CHST9: variants seen among roughly 807,000 people sequenced by gnomAD.
CHST9 encodes carbohydrate sulfotransferase 9, also known as GalNAc-4-sulfotransferase 2.
Under a neutral mutation model 44.4 loss-of-function variants are expected in CHST9, and 41 were observed. That is an observed-to-expected ratio of 0.92 (90% CI 0.72 to 1.20). CHST9 has a LOEUF of 1.20. Ranked by LOEUF, CHST9 falls within the 50% of genes most tolerant of loss-of-function variation. The pLI is 0.00. For missense variants in CHST9, 504 were observed against 516.5 expected (o/e 0.98, Z 0.23); for synonymous variants, 171 against 178.4 (o/e 0.96, Z 0.33).
At chr18:26,950,383 A>C (rs2145128955) in intron 4 of CHST9, among the ~76,000 whole-genome samples, 1 of 152,356 alleles carries the variant, frequency 6.6e-6, no homozygotes, top group Admixed American at 6.5e-5. Flanking sequence ...AAGACATAGA[A>C]AAGCAAACTT....
intron 2 of CHST9, among the ~76,000 whole-genome samples, chr18:27,075,902 C>T (rs2057898672): frequency 6.6e-6 from 1 of 152,168 alleles, no homozygotes; most frequent in African/African-American, 2.4e-5. Context: ...ACTCTAGGAG[C>T]TCAAAACATT....
intron 4 of CHST9, among the ~76,000 whole-genome samples, chr18:26,949,533 C>A (rs1464788204): frequency 1.3e-5 from 2 of 150,964 alleles, no homozygotes; most frequent in African/African-American, 2.4e-5. Context: ...AACAAACAAA[C>A]AAAAAGATAC....
At chr18:26,949,155 T>C (rs1393201590) in intron 4 of CHST9, among the ~76,000 whole-genome samples, 1 of 152,086 alleles carries the variant, frequency 6.6e-6, no homozygotes, top group Non-Finnish European at 1.5e-5. Flanking sequence ...GCAATGAGCA[T>C]GTGCTGTGTC....
intron 2 of CHST9, among the ~76,000 whole-genome samples, chr18:27,119,290 C>G (rs2058354816): frequency 6.6e-6 from 1 of 152,120 alleles, no homozygotes; most frequent in Non-Finnish European, 1.5e-5. Context: ...CTTTTGTTTT[C>G]TACATCACTC....
chr18:26,939,795 C>A (rs184734712), intron 5 of CHST9, among the ~76,000 whole-genome samples: 1 of 152,250 alleles, frequency 6.6e-6, no homozygotes, highest in East Asian at 1.9e-4. Flanking sequence ...CTGCATCTGC[C>A]CCCATCAAGG....
intron 5 of CHST9, chr18:26,936,652 G>C (rs1358337929): frequency 1.3e-5 from 2 of 152,052 alleles, no homozygotes; most frequent in Non-Finnish European, 2.9e-5. Context: ...TAACCATTTT[G>C]CTAATAAAAT....
chr18:26,917,367 G>T lies in CHST9; in HGVS notation c.241-17C>A. ...CTTGGGGTTCTGTTAAAATAAAGAAGGAGAAATGTTGAAAGCACAGTCACG... is the reference window on the plus strand; with the variant it reads ...CTTGGGGTTCTGTTAAAATAAAGAATGAGAAATGTTGAAAGCACAGTCACG... On this transcript the variant is annotated splice_polypyrimidine_tract_variant and intron_variant, in intron 5 of 5. Coordinates refer to ENST00000618847, the MANE Select transcript of CHST9 (RefSeq NM_031422.6). 2 of 1,601,160 alleles carry T rather than the reference G, an allele frequency of 1.2e-6. No homozygotes were observed. The highest frequency in any genetic ancestry group is 2.2e-5 in the South Asian group (2 of 89,192).
intron 4 of CHST9, among the ~76,000 whole-genome samples, chr18:26,973,069 A>G (rs2056572085): frequency 6.6e-6 from 1 of 151,796 alleles, no homozygotes; most frequent in East Asian, 1.9e-4. Flanking sequence ...CTCCTTTTTC[A>G]TGTCTTAGCT....
intron 5 of CHST9, among the ~76,000 whole-genome samples, chr18:26,921,743 TG>T (rs1289280705): frequency 6.6e-6 from 1 of 152,214 alleles, no homozygotes; most frequent in African/African-American, 2.4e-5. Flanking sequence ...CCATTTTCCT[TG>T]GGACACTTTA....
At chr18:26,995,602 T>C (rs576232469) in intron 4 of CHST9, among the ~76,000 whole-genome samples, 20 of 152,332 alleles carry the variant, frequency 1.3e-4, no homozygotes, top group Admixed American at 1.3e-3. Context: ...CAGCAGTTGA[T>C]AACTAATACA....
At chr18:27,057,756 C>A (rs1307654244) in intron 2 of CHST9, among the ~76,000 whole-genome samples, 1 of 152,248 alleles carries the variant, frequency 6.6e-6, no homozygotes. Context: ...GCCCTGGGGT[C>A]TGCCATCCGG....
chr18:26,941,638 A>G (rs2056083743), intron 5 of CHST9, among the ~76,000 whole-genome samples: 1 of 149,984 alleles, frequency 6.7e-6, no homozygotes, highest in African/African-American at 2.5e-5. Context: ...GAGACAGCTG[A>G]AAAAAAAAAT....
rs547033752 is a variant in CHST9, at chr18:27,163,515, G to A, written c.-96-20610C>T. Reference sequence around the variant, plus strand: ...TACCTACTCAAGCCTCCGCAATGGCGGGCGCCCCTCTCCCAGCCTCACTGC... The same window carrying A: ...TACCTACTCAAGCCTCCGCAATGGCAGGCGCCCCTCTCCCAGCCTCACTGC... On this transcript the variant is annotated intron_variant, in intron 1 of 5. Transcript: ENST00000618847. Among the ~76,000 whole-genome samples, 62 of 152,282 alleles carry A rather than the reference G, an allele frequency of 4.1e-4. 1 individual carries two copies. In the South Asian group the frequency reaches 0.012, roughly 30 times the overall value.
intron 4 of CHST9, among the ~76,000 whole-genome samples, chr18:26,953,919 C>G (rs1253446915): frequency 6.6e-6 from 1 of 152,124 alleles, no homozygotes; most frequent in African/African-American, 2.4e-5. Context: ...TTGAAGGTGC[C>G]ACATGTGAAG....
chr18:27,182,829 C>T (rs1052508774), intron 1 of CHST9, among the ~76,000 whole-genome samples: 1 of 152,116 alleles, frequency 6.6e-6, no homozygotes, highest in Non-Finnish European at 1.5e-5. Context: ...TATCTCACAT[C>T]CTATGCTATT....
intron 4 of CHST9, among the ~76,000 whole-genome samples, chr18:27,003,949 T>C (rs554797882): frequency 2.6e-4 from 39 of 151,940 alleles, no homozygotes; most frequent in Non-Finnish European, 5.4e-4. Flanking sequence ...TAGCCTCAGA[T>C]AACATGTTAT....
At chr18:27,053,270 GA>G (rs1568151248) in intron 2 of CHST9, among the ~76,000 whole-genome samples, 95 of 121,356 alleles carry the variant, frequency 7.8e-4, no homozygotes, top group East Asian at 4.4e-3. Flanking sequence ...AGGAGAAGGA[GA>G]AGGAGAAGGA....
At chr18:27,052,574 G>C (rs917784173) in intron 2 of CHST9, among the ~76,000 whole-genome samples, 2 of 151,992 alleles carry the variant, frequency 1.3e-5, no homozygotes, top group Non-Finnish European at 2.9e-5. Context: ...TACATCTCTA[G>C]CTCCAAAATC....
chr18:27,014,594 A>T lies in CHST9; in HGVS notation c.202+9522T>A, dbSNP rs554300190. Among the ~76,000 whole-genome samples the T allele has an allele frequency of 5.1e-4, 77 of 151,964 alleles. 1 individual carries two copies. The highest frequency in any genetic ancestry group is 1.8e-3 in the African/African-American group (74 of 41,446). On this transcript the variant is annotated intron_variant, in intron 4 of 5. Coordinates refer to ENST00000618847, the MANE Select transcript of CHST9 (RefSeq NM_031422.6). ...CAAACTGCTCCATTAGAAAACAGCC[A>T]AGCTTAACTACAGATTTACTTCTGG...
Sources: allele counts gnomAD v4.1 joint callset (sites outside exome capture counted in the v4.1 genomes callset), GRCh38; gene constraint gnomAD v4.1.1; transcripts MANE v1.5; gene names NCBI Gene and HGNC (gene_info 2026-07-23, HGNC 2026-07-21).